Variants in MPP7 observed in about 807,000 individuals in gnomAD.
MPP7 encodes the protein MAGUK p55 subfamily member 7.
In MPP7, 60 loss-of-function variants were observed where a neutral mutation model predicts 76.5. That is an observed-to-expected ratio of 0.78 (90% confidence interval 0.64 to 0.97). The LOEUF is 0.97. MPP7 is among the 50% of genes least tolerant of loss of function. The pLI is 0.00. For synonymous variants in MPP7, 237 were observed against 244.5 expected, an observed-to-expected ratio of 0.97 and a Z score of 0.29; for missense variants, 641 against 694.0, an observed-to-expected ratio of 0.92 and a Z score of 0.86.
At position 28,069,811 on chromosome 10, in the gene MPP7, G is replaced by A. The variant is rs760548355; in HGVS notation, c.1165C>T (p.Leu389=). The change falls in exon 13 of 17, where the codon CTG becomes TTG. Residue 389 remains leucine (L), a synonymous_variant. Transcript: ENST00000683449. The stretch of plus-strand genomic sequence containing the variant: ...CCATAGTGCTGGGTGTCACTGATCA[G>A]CAGCTTTCGTTTCAGTTCATTCAGC... The part of the protein sequence containing the change: ...VGLNELKRKL[L]ISDTQHYGVT... 1.2e-6 allele frequency: 2 copies of A among 1,613,850 alleles called. No individual in the cohort carries two copies. The highest frequency in any genetic ancestry group is 2.2e-5 in the East Asian group (1 of 44,870).
At chr10:28,137,636 G>C (rs1835390068) in intron 5 of MPP7, among the ~76,000 whole-genome samples, 1 of 152,064 alleles carries the variant, frequency 6.6e-6, no homozygotes, top group Non-Finnish European at 1.5e-5. Flanking sequence ...AATATTGTTG[G>C]ATAGCAACAT....
chr10:28,229,477 AT>A (rs1185180842), intron 2 of MPP7, among the ~76,000 whole-genome samples: 1 of 152,224 alleles, frequency 6.6e-6, no homozygotes, highest in African/African-American at 2.4e-5. Context: ...AATTCTAAAG[AT>A]TTTTACTGTA....
At chr10:28,195,627 C>A (rs1316290799) in intron 3 of MPP7, among the ~76,000 whole-genome samples, 1 of 152,118 alleles carries the variant, frequency 6.6e-6, no homozygotes, top group African/African-American at 2.4e-5. Context: ...TGACAGAAGT[C>A]AGTTACAAAA....
chr10:28,051,678 CG>C lies in MPP7; in HGVS notation c.*2386del, dbSNP rs1255786330. On this transcript the variant is annotated 3_prime_UTR_variant, in exon 17 of 17. Coordinates refer to ENST00000683449, the MANE Select transcript of MPP7 (RefSeq NM_001318170.2). ...TTTGCTGCCGTTGTCAATGAACTCTCGGAGTTGGCCCTGCCTTATTAAATTT... is the reference window on the plus strand; with the variant it reads ...TTTGCTGCCGTTGTCAATGAACTCTCGAGTTGGCCCTGCCTTATTAAATTT... 6.6e-6 allele frequency: 1 copy of C among 152,020 alleles called. No homozygotes were observed. The highest frequency in any genetic ancestry group is 1.5e-5 in the Non-Finnish European group (1 of 68,010). 9.4% of individuals were successfully genotyped at this position (152,020 alleles called of 1,614,324 possible).
At chr10:28,096,389 C>T (rs991924270) in intron 11 of MPP7, among the ~76,000 whole-genome samples, 1 of 152,110 alleles carries the variant, frequency 6.6e-6, no homozygotes, top group Admixed American at 6.6e-5. Flanking sequence ...GTTATTTTAA[C>T]GGTTAGTGGA....
At chr10:28,222,949 A>G (rs979181929) in intron 2 of MPP7, among the ~76,000 whole-genome samples, 3 of 151,108 alleles carry the variant, frequency 2.0e-5, no homozygotes, top group Non-Finnish European at 4.4e-5. Context: ...CTTGGCCAAG[A>G]TGGTGAAACC....
intron 2 of MPP7, among the ~76,000 whole-genome samples, chr10:28,207,084 A>C (rs966547123): frequency 6.6e-6 from 1 of 152,160 alleles, no homozygotes; most frequent in African/African-American, 2.4e-5. Flanking sequence ...AAAGTTACCT[A>C]TAAGAGATTT....
intron 3 of MPP7, among the ~76,000 whole-genome samples, chr10:28,157,257 T>C (rs1178535631): frequency 6.6e-6 from 1 of 151,994 alleles, no homozygotes; most frequent in Non-Finnish European, 1.5e-5. Context: ...AGAGTAACCG[T>C]CAGAGTCACT....
At chr10:28,116,641 C>T (rs1170964351) in intron 11 of MPP7, among the ~76,000 whole-genome samples, 3 of 152,020 alleles carry the variant, frequency 2.0e-5, no homozygotes, top group Non-Finnish European at 4.4e-5. Flanking sequence ...TATCTTTGTT[C>T]GGTAAGCAAT....
At chr10:28,147,434 A>G (rs1835744351) in intron 5 of MPP7, 49 bp downstream of exon 5, 3 of 1,439,352 alleles carry the variant, frequency 2.1e-6, no homozygotes, top group South Asian at 2.3e-5. Flanking sequence ...GAAGGCTCAG[A>G]AAGTGGCCCT....
At chr10:28,237,774 G>A (rs932356961) in intron 2 of MPP7, among the ~76,000 whole-genome samples, 1 of 151,980 alleles carries the variant, frequency 6.6e-6, no homozygotes, top group Non-Finnish European at 1.5e-5. Flanking sequence ...TCTTTCAAGG[G>A]GCTTTAAAAA....
chr10:28,280,405 T>C (rs1220463144), intron 1 of MPP7, among the ~76,000 whole-genome samples: 1 of 152,034 alleles, frequency 6.6e-6, no homozygotes, highest in Non-Finnish European at 1.5e-5. Context: ...TGTAAATAGT[T>C]GTTATATTGT....
At chr10:28,061,634 G>T (rs188159896) in intron 13 of MPP7, among the ~76,000 whole-genome samples, 3 of 152,100 alleles carry the variant, frequency 2.0e-5, no homozygotes, top group Admixed American at 1.3e-4. Context: ...AGAAATAAAG[G>T]CCCCAAACTT....
intron 2 of MPP7, among the ~76,000 whole-genome samples, chr10:28,314,452 C>T (rs1318049576): frequency 1.3e-5 from 2 of 152,148 alleles, no homozygotes; most frequent in Non-Finnish European, 2.9e-5. Flanking sequence ...TTAATGGCAC[C>T]GCCTCCTGGA....
At chr10:28,130,940 CTTTA>C (rs939798635) in intron 6 of MPP7, among the ~76,000 whole-genome samples, 30 of 151,946 alleles carry the variant, frequency 2.0e-4, no homozygotes, top group African/African-American at 6.5e-4. Context: ...AATCTTAATA[CTTTA>C]TTTAAGGAAT....
intron 13 of MPP7, among the ~76,000 whole-genome samples, chr10:28,066,067 A>G (rs890002052): frequency 1.3e-5 from 2 of 152,188 alleles, no homozygotes. Context: ...TTGCTTTTCA[A>G]GGAGGAAATT....
intron 12 of MPP7, among the ~76,000 whole-genome samples, chr10:28,089,423 CAGT>C (rs770824664): frequency 7.9e-5 from 12 of 152,258 alleles, no homozygotes; most frequent in African/African-American, 2.6e-4. Flanking sequence ...TATATTACAA[CAGT>C]GTTTGCTATC....
intron 1 of MPP7, among the ~76,000 whole-genome samples, chr10:28,332,194 G>A (rs1589050959): frequency 6.6e-6 from 1 of 151,538 alleles, no homozygotes; most frequent in East Asian, 1.9e-4. Flanking sequence ...CACGTTTTAA[G>A]CAACTTAGAT....
intron 1 of MPP7, among the ~76,000 whole-genome samples, chr10:28,271,388 T>C (rs1168369709): frequency 6.6e-6 from 1 of 152,170 alleles, no homozygotes; most frequent in Non-Finnish European, 1.5e-5. Context: ...CAGCTAAAAA[T>C]TCAGCAAAAG....
Sources: gnomAD v4.1 joint callset for allele counts (sites outside exome capture counted in the v4.1 genomes callset) on GRCh38, gnomAD v4.1.1 for gene constraint, MANE v1.5 for transcripts, NCBI Gene and HGNC (gene_info 2026-07-23, HGNC 2026-07-21) for gene names.